Variants in VAV1 observed in about 807,000 individuals in gnomAD.
The protein encoded by VAV1 is vav guanine nucleotide exchange factor 1, also known as proto-oncogene vav.
VAV1 carries 33 observed loss-of-function variants against 128.1 expected under a neutral mutation model. The ratio of observed to expected loss-of-function variants is 0.26; its 90% CI spans 0.20 to 0.34. VAV1 has a LOEUF of 0.34. Among genes scored for constraint, VAV1 ranks in the 10% least tolerant of loss-of-function variants. The probability of loss-of-function intolerance (pLI) is 1.00; values close to 1 mark genes in which losing one functional copy is unlikely to be tolerated. For missense variants in VAV1, 715 were observed against 1,093.7 expected, an observed-to-expected ratio of 0.65 and a Z score of 4.88; for synonymous variants, 394 against 409.8, an observed-to-expected ratio of 0.96 and a Z score of 0.47.
chr19:6,821,702 G>A (rs201520206), intron 3 of VAV1, 22 bp downstream of exon 3: 1 of 1,614,152 alleles, frequency 6.2e-7, no homozygotes, highest in African/African-American at 1.3e-5. Flanking sequence ...CCTGGGCCTT[G>A]GGCCATTTAG....
In VAV1 at chr19:6,832,264, T is replaced by C. The variant is rs146438685; in HGVS notation, c.1508+64T>C. 32 of 1,486,782 alleles carry C rather than the reference T, an allele frequency of 2.2e-5. No individual in the cohort carries two copies. In the African/African-American group the frequency reaches 3.3e-4, roughly 15 times the overall value. 92.1% of individuals were successfully genotyped at this position (1,486,782 alleles called of 1,614,324 possible). On this transcript the variant is annotated intron_variant, in intron 15 of 26. Transcript: ENST00000602142. The stretch of plus-strand genomic sequence containing the variant: ...GGGCAGGGGCTGGGAAGGAGGAACG[T>C]GATCTAGTCCCTACTCTGTCCTGAC...
chr19:6,840,128 C>A (rs755008421), intron 21 of VAV1, among the ~76,000 whole-genome samples: 16 of 152,148 alleles, frequency 1.1e-4, no homozygotes, highest in Admixed American at 2.6e-4. Context: ...CCACCTATTC[C>A]CCTCTCCCAG....
At chr19:6,844,519 C>A (rs143405380) in intron 22 of VAV1, among the ~76,000 whole-genome samples, 1 of 151,990 alleles carries the variant, frequency 6.6e-6, no homozygotes, top group East Asian at 1.9e-4. Flanking sequence ...GCCCAGCCGA[C>A]GCTCCCATCT....
At chr19:6,783,632 AC>A (rs1970818598) in intron 1 of VAV1, among the ~76,000 whole-genome samples, 1 of 151,874 alleles carries the variant, frequency 6.6e-6, no homozygotes, top group African/African-American at 2.4e-5. Context: ...ACAGGCATGC[AC>A]CATCACACCT....
chr19:6,833,966 G>A lies in VAV1; in HGVS notation c.1777+13G>A. 1.2e-6 allele frequency: 2 copies of A among 1,613,978 alleles called. No homozygotes were observed. Among genetic ancestry groups the A allele is most frequent in the Non-Finnish European group, 1.7e-6 (2 of 1,180,000 alleles). On this transcript the variant is annotated intron_variant, in intron 19 of 26. Transcript: ENST00000602142. ...AGGAATGAGCTGGGTGAGTTGGCAG[G>A]GGTTGCTGTGTGGGGGCAGGAGGAA... is the stretch of plus-strand genomic sequence containing the variant.
chr19:6,811,070 C>T (rs1217773649), intron 1 of VAV1, among the ~76,000 whole-genome samples: 1 of 152,134 alleles, frequency 6.6e-6, no homozygotes, highest in East Asian at 1.9e-4. Flanking sequence ...GCGTCTTGCT[C>T]TGTTGCCCAG....
chr19:6,796,094 T>C (rs1971127411), intron 1 of VAV1, among the ~76,000 whole-genome samples: 1 of 152,206 alleles, frequency 6.6e-6, no homozygotes, highest in African/African-American at 2.4e-5. Flanking sequence ...AGATATACCC[T>C]GGTGATCTAA....
chr19:6,817,214 AT>A (rs899974541), intron 1 of VAV1, among the ~76,000 whole-genome samples: 16 of 151,242 alleles, frequency 1.1e-4, no homozygotes, highest in Non-Finnish European at 1.5e-4. Flanking sequence ...TGCCTGGCTA[AT>A]TTTTTTTGTT....
chr19:6,808,569 C>A (rs186136430), intron 1 of VAV1, among the ~76,000 whole-genome samples: 1 of 152,154 alleles, frequency 6.6e-6, no homozygotes, highest in Admixed American at 6.6e-5. Flanking sequence ...TCTGTTCTTC[C>A]GCCACCTGTG....
rs201468135 is a variant in VAV1 at position 6,825,323 on chromosome 19, T to C, written c.744T>C (p.Thr248=). ...AGTAGGACCTGCTTCGTGTTCATACTCACTTCCTAAAGGAGATGAAGGAAG... is the reference window on the plus strand; with the variant it reads ...AGTAGGACCTGCTTCGTGTTCATACCCACTTCCTAAAGGAGATGAAGGAAG... ...INIEDLLRVH[T]HFLKEMKEAL... is the part of the protein sequence containing the mutation. The change falls in exon 8 of 27, where the codon ACT becomes ACC. Residue 248 remains threonine, a synonymous_variant. Coordinates refer to ENST00000602142, the MANE Select transcript of VAV1 (RefSeq NM_005428.4). 128 of 1,613,008 alleles carry C rather than the reference T, an allele frequency of 7.9e-5. No individual in the cohort carries two copies. The highest frequency in any genetic ancestry group is 1.2e-5 in the Non-Finnish European group (14 of 1,179,714).
chr19:6,814,641 T>G (rs999885380), intron 1 of VAV1, among the ~76,000 whole-genome samples: 1 of 69,814 alleles, frequency 1.4e-5, no homozygotes, highest in Admixed American at 1.5e-4. Context: ...CTTTCTCTCC[T>G]TCCTTCCTTC....
intron 1 of VAV1, among the ~76,000 whole-genome samples, chr19:6,776,904 C>T (rs984176313): frequency 6.6e-6 from 1 of 152,052 alleles, no homozygotes; most frequent in Non-Finnish European, 1.5e-5. Flanking sequence ...ACTACAGGCA[C>T]CCGCCACCAC....
chr19:6,801,288 C>T (rs1971262628), intron 1 of VAV1, among the ~76,000 whole-genome samples: 2 of 152,160 alleles, frequency 1.3e-5, no homozygotes, highest in South Asian at 4.1e-4. Context: ...TCATTCCCGA[C>T]GTACAGATGA....
chr19:6,845,342 G>A (rs893899310), intron 22 of VAV1, among the ~76,000 whole-genome samples: 1 of 152,082 alleles, frequency 6.6e-6, no homozygotes. Flanking sequence ...CCGAGATTGC[G>A]CCATTGCACT....
chr19:6,834,939 A>T (rs1323633465), intron 19 of VAV1, among the ~76,000 whole-genome samples: 2 of 151,626 alleles, frequency 1.3e-5, no homozygotes, highest in African/African-American at 4.8e-5. Flanking sequence ...AAACATTTTT[A>T]AAAATTAGCG....
intron 15 of VAV1, 60 bp from the exon 16 acceptor site, chr19:6,833,124 C>T (rs1049268565): frequency 7.1e-7 from 1 of 1,417,566 alleles, no homozygotes; most frequent in African/African-American, 1.4e-5. Flanking sequence ...AGTATTCAGC[C>T]ATAAAAAGGA....
Position 6,826,761 on chromosome 19 carries a change from C to G in VAV1, c.927+50C>G. The G allele has an allele frequency of 7.0e-7, 1 of 1,433,486 alleles. No homozygotes were observed. The highest frequency in any genetic ancestry group is 9.5e-7 in the Non-Finnish European group (1 of 1,053,120). 88.8% of individuals were successfully genotyped at this position (1,433,486 alleles called of 1,614,324 possible). ...GGCCTCTCCCGCTCCTCCCCAGGCC[C>G]TGGGGGCAGCAGGGAGGACACTGAG... On this transcript the variant is annotated intron_variant, in intron 9 of 26. Coordinates refer to ENST00000602142, the MANE Select transcript of VAV1 (RefSeq NM_005428.4). The surrounding 1 kb of genome is among the most constrained non-coding windows in gnomAD (Gnocchi z 4.1).
intron 1 of VAV1, among the ~76,000 whole-genome samples, chr19:6,774,121 A>G (rs1382586291): frequency 6.6e-6 from 1 of 151,226 alleles, no homozygotes; most frequent in Admixed American, 6.6e-5. Context: ...CCTTCTGTTT[A>G]TTTTATTTAT....
At chr19:6,827,288 G>A (rs1971941778) in intron 9 of VAV1, among the ~76,000 whole-genome samples, 1 of 151,594 alleles carries the variant, frequency 6.6e-6, no homozygotes, top group Non-Finnish European at 1.5e-5. Flanking sequence ...GTTTTTTTGA[G>A]ACAGGGTCTC....
Sources: allele counts gnomAD v4.1 joint callset (sites outside exome capture counted in the v4.1 genomes callset), GRCh38; gene constraint gnomAD v4.1.1; non-coding constraint Gnocchi (gnomAD v3.1); transcripts MANE v1.5; gene names NCBI Gene and HGNC (gene_info 2026-07-23, HGNC 2026-07-21).